Variants in TRMT9B observed in about 807,000 individuals in gnomAD.
TRMT9B encodes tRNA methyltransferase 9B (putative).
In TRMT9B, 16 loss-of-function variants were observed where a neutral mutation model predicts 11.5. The ratio of observed to expected loss-of-function variants is 1.39; its 90% CI spans 0.94 to 2.11. TRMT9B has a LOEUF of 2.11. Among genes scored for constraint, TRMT9B ranks in the 30% most tolerant of loss-of-function variants. TRMT9B has a pLI of 0.00. For synonymous variants in TRMT9B, 274 were observed against 192.4 expected, an observed-to-expected ratio of 1.42 and a Z score of -3.51; for missense variants, 941 against 553.8, an observed-to-expected ratio of 1.70 and a Z score of -7.02.
Position 13,022,016 on chromosome 8 carries a change from T to A in TRMT9B, c.1337T>A (p.Ile446Asn), listed in dbSNP as rs373685278. Residue 446 changes from isoleucine (I) to asparagine (N), a missense_variant, in exon 5 of 5, where the codon ATT becomes AAT. Ile to Asn is a moderately radical substitution (Grantham distance 149). Transcript: ENST00000524591. Reference protein sequence around the residue: ...SGNDHGNWCIIAEKKRGCD With the variant: ...SGNDHGNWCINAEKKRGCD ...AATGATCATGGTAACTGGTGTATCA[T>A]TGCAGAGAAAAAGAGAGGTTGTGAT... 3 of 1,601,432 alleles carry A rather than the reference T, an allele frequency of 1.9e-6. No homozygotes were observed. In the South Asian group the frequency reaches 3.4e-5, roughly 18 times the overall value.
chr8:12,950,414 A>G lies in TRMT9B; in HGVS notation c.-200+4448A>G, dbSNP rs569971633. ...AGGACAAGGAACATCACAGTATCCA[A>G]TACGTCTTCTGTGTCCGAAGACATA... On this transcript the variant is annotated intron_variant, in intron 1 of 4. Coordinates refer to ENST00000524591, the MANE Select transcript of TRMT9B (RefSeq NM_020844.3). Among the ~76,000 whole-genome samples, 4 of 152,280 alleles carry G rather than the reference A, an allele frequency of 2.6e-5. No homozygotes were observed. The South Asian group carries it at 8.3e-4, about 32-fold the overall frequency.
intron 1 of TRMT9B, among the ~76,000 whole-genome samples, chr8:12,949,995 G>C (rs1396827822): frequency 6.6e-6 from 1 of 152,108 alleles, no homozygotes; most frequent in East Asian, 1.9e-4. Flanking sequence ...TGGGATCATA[G>C]GCATGCACCA....
In TRMT9B at chr8:12,953,671, A is replaced by C. The variant is rs754183219; in HGVS notation, c.-200+7705A>C. On this transcript the variant is annotated intron_variant, in intron 1 of 4. Coordinates refer to ENST00000524591, the MANE Select transcript of TRMT9B (RefSeq NM_020844.3). ...GAAGTTTGGGGAAGGGAGAGTTAGA[A>C]CTTTCTCTGTCTTTGATGGCTGGCT... Among the ~76,000 whole-genome samples the C allele has an allele frequency of 6.6e-5, 10 of 152,332 alleles. No homozygotes were observed. In the South Asian group the frequency reaches 1.4e-3, roughly 22 times the overall value.
At position 13,028,122 on chromosome 8, in the gene TRMT9B, A is replaced by T. The variant is rs1273679778; in HGVS notation, c.*6078A>T. ...TTCCCCAGGGATCCTACGGTCTATG[A>T]CACATTAACAGGGGTGTGAATCATT... On this transcript the variant is annotated 3_prime_UTR_variant, in exon 5 of 5. Transcript: ENST00000524591. 6.0e-6 allele frequency: 1 copy of T among 167,102 alleles called. No homozygotes were observed. The highest frequency in any genetic ancestry group is 1.5e-5 in the Non-Finnish European group (1 of 68,128). 10.4% of individuals were successfully genotyped at this position (167,102 alleles called of 1,614,324 possible). A position where few individuals can be genotyped will look rare whatever the true frequency, so the allele number is the denominator to read the frequency against.
chr8:13,003,584 A>G (rs1218780788), intron 2 of TRMT9B, among the ~76,000 whole-genome samples: 7 of 152,106 alleles, frequency 4.6e-5, no homozygotes, highest in African/African-American at 1.2e-4. Flanking sequence ...TGCTGAGGAA[A>G]GATGGTGAGA....
At position 12,990,474 on chromosome 8, in the gene TRMT9B, G is replaced by C. The variant is rs576527261; in HGVS notation, c.-199-360G>C. Among the ~76,000 whole-genome samples, 103 of 152,220 alleles carry C rather than the reference G, an allele frequency of 6.8e-4. 2 individuals carry two copies. The South Asian group carries it at 0.019, about 29-fold the overall frequency. ...ATGGAAAATATTGAGCAGTCCAATT[G>C]TACTGGAATGATTTAGTACAATTTA... On this transcript the variant is annotated intron_variant, in intron 1 of 4. Transcript: ENST00000524591.
In TRMT9B at chr8:13,019,099, G is replaced by T. The variant is rs114746692; in HGVS notation, c.329-1909G>T. 6.4e-3 allele frequency among the ~76,000 whole-genome samples: 969 copies of T among 152,146 alleles called. 6 individuals are homozygous for T. Among genetic ancestry groups the T allele is most frequent in the African/African-American group, 0.02 (842 of 41,514 alleles). ...TGAAAGTCTGGAGTATTGATTTGGG[G>T]GATTACAATTTGGGGAGTATTGATT... is the stretch of plus-strand genomic sequence containing the variant. On this transcript the variant is annotated intron_variant, in intron 4 of 4. Coordinates refer to ENST00000524591, the MANE Select transcript of TRMT9B (RefSeq NM_020844.3).
chr8:12,991,009 C>T lies in TRMT9B; in HGVS notation c.-24C>T. ...ATTCACAAAGACAAGAGGTAATTTT[C>T]CTGTAATCACAGGATGACTCAGGTT... On this transcript the variant is annotated 5_prime_UTR_variant, in exon 2 of 5. Transcript: ENST00000524591. 7.9e-7 allele frequency: 1 copy of T among 1,272,406 alleles called. No individual in the cohort carries two copies. The highest frequency in any genetic ancestry group is 1.3e-5 in the South Asian group (1 of 77,608). 78.8% of individuals were successfully genotyped at this position (1,272,406 alleles called of 1,614,324 possible). A position where few individuals can be genotyped will look rare whatever the true frequency, so the allele number is the denominator to read the frequency against.
At chr8:13,010,461 C>T in intron 3 of TRMT9B, 1 of 985,022 alleles carries the variant, frequency 1.0e-6, no homozygotes, top group Non-Finnish European at 1.2e-6. Context: ...CTAAAGTCAT[C>T]AGCTGTTTGA....
chr8:13,016,573 A>G (rs998573257), intron 4 of TRMT9B, among the ~76,000 whole-genome samples: 3 of 151,770 alleles, frequency 2.0e-5, no homozygotes, highest in African/African-American at 4.8e-5. Flanking sequence ...TAATAATGTG[A>G]GCTTAGCATC....
intron 1 of TRMT9B, among the ~76,000 whole-genome samples, chr8:12,960,685 T>G (rs1458755541): frequency 6.6e-6 from 1 of 152,226 alleles, no homozygotes. Context: ...AAATGCATAT[T>G]ACTAAGTAAA....
chr8:12,991,454 C>G (rs1807317433), intron 2 of TRMT9B, among the ~76,000 whole-genome samples: 1 of 152,120 alleles, frequency 6.6e-6, no homozygotes, highest in Admixed American at 6.5e-5. Context: ...ACTGTTCGGA[C>G]CAACTTGCAT....
rs569316490 is a variant in TRMT9B, at chr8:12,963,194, G to A, written c.-200+17228G>A. ...CACTCCTGTAATCCCAGCACTTTGG[G>A]AGGCCAAGGTGGGCGATTCATGAGG... On this transcript the variant is annotated intron_variant, in intron 1 of 4. Coordinates refer to ENST00000524591, the MANE Select transcript of TRMT9B (RefSeq NM_020844.3). Among the ~76,000 whole-genome samples the A allele has an allele frequency of 2.0e-5, 3 of 152,264 alleles. No homozygotes were observed. In the East Asian group the frequency reaches 5.8e-4, roughly 29 times the overall value.
intron 1 of TRMT9B, among the ~76,000 whole-genome samples, chr8:12,974,999 G>T (rs1021563495): frequency 6.6e-6 from 1 of 151,826 alleles, no homozygotes; most frequent in Non-Finnish European, 1.5e-5. Flanking sequence ...ACTGGATCAT[G>T]GTCTGTGGTC....
At chr8:13,017,563 G>A (rs1334982738) in intron 4 of TRMT9B, among the ~76,000 whole-genome samples, 1 of 149,578 alleles carries the variant, frequency 6.7e-6, no homozygotes, top group African/African-American at 2.5e-5. Context: ...GAACATGTAT[G>A]CGTATGCATG....
chr8:12,975,501 C>G (rs1295290110), intron 1 of TRMT9B, among the ~76,000 whole-genome samples: 1 of 152,038 alleles, frequency 6.6e-6, no homozygotes, highest in Non-Finnish European at 1.5e-5. Flanking sequence ...CTTTGGGAGG[C>G]TGAGGCAAGC....
At chr8:12,997,436 C>G (rs75948497) in intron 2 of TRMT9B, among the ~76,000 whole-genome samples, 9,260 of 152,154 alleles carry the variant, frequency 0.061, 350 homozygotes, top group African/African-American at 0.1. Context: ...ATGCTGGTGC[C>G]ATGCTTGTAC....
intron 2 of TRMT9B, among the ~76,000 whole-genome samples, chr8:13,005,639 C>T (rs550536078): frequency 6.6e-5 from 10 of 152,142 alleles, no homozygotes; most frequent in Non-Finnish European, 1.0e-4. Flanking sequence ...ATAATTATGA[C>T]GTAATTGAAA....
chr8:12,992,664 C>T (rs543926772), intron 2 of TRMT9B, among the ~76,000 whole-genome samples: 1 of 150,738 alleles, frequency 6.6e-6, no homozygotes, highest in African/African-American at 2.4e-5. Context: ...CCAGCCTGGG[C>T]AACATGGTGA....
Sources: allele counts gnomAD v4.1 joint callset (sites outside exome capture counted in the v4.1 genomes callset), GRCh38; gene constraint gnomAD v4.1.1; transcripts MANE v1.5; gene names NCBI Gene and HGNC (gene_info 2026-07-23, HGNC 2026-07-21).